TCTN2: variants seen among roughly 807,000 people sequenced by gnomAD.
The protein encoded by TCTN2 is tectonic family member 2.
A neutral mutation model predicts 83.4 loss-of-function variants in TCTN2; 66 were observed. The observed-to-expected ratio is 0.79, with a 90% CI of 0.65 to 0.97. The LOEUF (loss-of-function observed/expected upper bound fraction) is 0.97. Ranked by LOEUF, TCTN2 falls within the 50% of genes least tolerant of loss-of-function variation. The pLI is 0.00. For synonymous variants in TCTN2, 301 were observed against 326.7 expected (o/e 0.92, Z 0.85); for missense variants, 794 against 858.1 (o/e 0.93, Z 0.93).
intron 7 of TCTN2, among the ~76,000 whole-genome samples, chr12:123,690,260 T>C (rs753761115): frequency 4.6e-5 from 7 of 152,246 alleles, no homozygotes; most frequent in Non-Finnish European, 8.8e-5. Context: ...TAGTCATGTC[T>C]CTGCAAACTA....
intron 9 of TCTN2, among the ~76,000 whole-genome samples, chr12:123,694,313 G>T (rs1020726359): frequency 6.6e-6 from 1 of 152,182 alleles, no homozygotes; most frequent in East Asian, 1.9e-4. Flanking sequence ...ATTTTTAGTA[G>T]AGACAGGGTT....
At chr12:123,693,350 A>G (rs1956068313) in intron 9 of TCTN2, among the ~76,000 whole-genome samples, 1 of 145,414 alleles carries the variant, frequency 6.9e-6, no homozygotes. Context: ...TTTAGGGCAC[A>G]GCATTTTCAC....
chr12:123,672,830 C>T (rs1471738727), intron 3 of TCTN2, among the ~76,000 whole-genome samples: 1 of 152,196 alleles, frequency 6.6e-6, no homozygotes, highest in African/African-American at 2.4e-5. Context: ...GAGGGCGGAT[C>T]ATCTGAGGTC....
rs146257198 is a variant in TCTN2, at chr12:123,673,629, G to A, written c.282G>A (p.Val94=). The A allele has an allele frequency of 2.5e-6, 4 of 1,614,106 alleles. No individual in the cohort carries two copies. The highest frequency in any genetic ancestry group is 3.4e-6 in the Non-Finnish European group (4 of 1,180,054). The change falls in exon 4 of 18, where the codon GTG becomes GTA. Residue 94 remains valine (V), a synonymous_variant. Coordinates refer to ENST00000303372, the MANE Select transcript of TCTN2 (RefSeq NM_024809.5). ...TVIPGAKVLE[V]TVRWKRGLDW... ...TTTCCTTTCAGAAGGTGTTGGAAGT[G>A]ACAGTGAGGTGGAAGAGAGGTCTGG... is the stretch of plus-strand genomic sequence containing the variant.
chr12:123,699,262 C>T lies in TCTN2; in HGVS notation c.1506-442C>T, dbSNP rs575451918. Among the ~76,000 whole-genome samples, 6 of 152,032 alleles carry T rather than the reference C, an allele frequency of 3.9e-5. No individual in the cohort carries two copies. In the East Asian group the frequency reaches 1.2e-3, roughly 29 times the overall value. On this transcript the variant is annotated intron_variant, in intron 13 of 17. Transcript: ENST00000303372. ...TTAACCCCACCAGGCTTATGCGCTC[C>T]TCCCACCTCAGCCTCCCAAGTAGTT...
At chr12:123,696,748 A>G in intron 12 of TCTN2, 2 of 547,360 alleles carry the variant, frequency 3.7e-6, no homozygotes. Context: ...GATTGGCTTG[A>G]GAGTCCCATG....
At chr12:123,680,373 A>T (rs1407580174) in intron 5 of TCTN2, among the ~76,000 whole-genome samples, 2 of 149,848 alleles carry the variant, frequency 1.3e-5, no homozygotes, top group African/African-American at 2.5e-5. Context: ...AAAAAATCAC[A>T]CAACTTTTGA....
intron 12 of TCTN2, 167 bp from the exon 13 acceptor site, chr12:123,696,920 G>A: frequency 1.6e-6 from 1 of 627,462 alleles, no homozygotes; most frequent in South Asian, 1.9e-5. Context: ...GTCTGATAAA[G>A]GCACCTTTGT....
intron 11 of TCTN2, 148 bp from the exon 12 acceptor site, chr12:123,696,267 C>T (rs1482550356): frequency 1.7e-5 from 12 of 688,390 alleles, no homozygotes; most frequent in Admixed American, 1.1e-4. Flanking sequence ...TTTTGAGACC[C>T]GAAGTTGCCA....
In TCTN2 at chr12:123,690,513, G is replaced by A. The variant is rs1242625328; in HGVS notation, c.892-20G>A. 6.2e-7 allele frequency: 1 copy of A among 1,614,150 alleles called. No homozygotes were observed. The highest frequency in any genetic ancestry group is 8.5e-7 in the Non-Finnish European group (1 of 1,180,022). ...TAGGAGAGAGGCCATAAATCTGTTGGCTTTGCCCTTCTCCCTCAGGTGTCC... is the reference window on the plus strand; with the variant it reads ...TAGGAGAGAGGCCATAAATCTGTTGACTTTGCCCTTCTCCCTCAGGTGTCC... On this transcript the variant is annotated intron_variant, in intron 7 of 17. Coordinates refer to ENST00000303372, the MANE Select transcript of TCTN2 (RefSeq NM_024809.5).
chr12:123,694,046 T>G (rs1956078712), intron 9 of TCTN2, among the ~76,000 whole-genome samples: 1 of 151,078 alleles, frequency 6.6e-6, no homozygotes, highest in Admixed American at 6.6e-5. Context: ...CAGACTGGAG[T>G]GTAGTGACAC....
chr12:123,700,236 C>T, intron 14 of TCTN2: 1 of 333,894 alleles, frequency 3.0e-6, no homozygotes, highest in South Asian at 2.5e-5. Flanking sequence ...GTCATTAACT[C>T]CTGGGCTTAA....
At chr12:123,675,459 C>T (rs1460179978) in intron 4 of TCTN2, among the ~76,000 whole-genome samples, 1 of 152,138 alleles carries the variant, frequency 6.6e-6, no homozygotes, top group African/African-American at 2.4e-5. Flanking sequence ...AGTCTGTTAC[C>T]TGGAGACTCC....
intron 14 of TCTN2, chr12:123,700,269 T>C (rs1013553170): frequency 1.9e-5 from 5 of 258,788 alleles, no homozygotes; most frequent in Non-Finnish European, 3.5e-5. Context: ...CCCCAACCTC[T>C]TAAACCCCAA....
rs200937264 is a variant in TCTN2 at position 123,691,738 on chromosome 12, G to GTT, written c.1034-920_1034-919insTT. Among the ~76,000 whole-genome samples the GTT allele has an allele frequency of 1.8e-3, 267 of 147,928 alleles. 4 individuals are homozygous for GTT. The highest frequency in any genetic ancestry group is 4.8e-3 in the African/African-American group (190 of 39,576). On this transcript the variant is annotated intron_variant, in intron 8 of 17. Transcript: ENST00000303372. ...CAAATTGTTTTTTTTTTGTTTTTTTGGTTTTTTTTTTGAGAGGGAGTCTTG... is the reference window on the plus strand; with the variant it reads ...CAAATTGTTTTTTTTTTGTTTTTTTGTTGTTTTTTTTTTGAGAGGGAGTCTTG...
intron 5 of TCTN2, among the ~76,000 whole-genome samples, chr12:123,683,048 A>AC (rs1271437844): frequency 6.6e-6 from 1 of 150,792 alleles, no homozygotes. Flanking sequence ...ACATGGTGAA[A>AC]CCCCATCTGT....
intron 5 of TCTN2, among the ~76,000 whole-genome samples, chr12:123,686,502 G>T (rs576760345): frequency 5.3e-5 from 8 of 152,230 alleles, no homozygotes; most frequent in Non-Finnish European, 7.4e-5. Flanking sequence ...AAGAAAGGAG[G>T]TTTACTATGT....
rs1053331280 is a variant in TCTN2 at position 123,681,238 on chromosome 12, C to A, written c.564+1949C>A. The stretch of plus-strand genomic sequence containing the variant: ...CACCACTGCATGTCAGCCTAGGCGA[C>A]AGAGCAAGACTCTCTTTCAAAAAAA... On this transcript the variant is annotated intron_variant, in intron 5 of 17. Coordinates refer to ENST00000303372, the MANE Select transcript of TCTN2 (RefSeq NM_024809.5). Among the ~76,000 whole-genome samples, 36 of 136,254 alleles carry A rather than the reference C, an allele frequency of 2.6e-4. No homozygotes were observed. In the Admixed American group the frequency reaches 2.8e-3, roughly 11 times the overall value. The allele number at this position is 136,254 out of a possible 152,430, so 89.4% of individuals were successfully genotyped here. A position where few individuals can be genotyped will look rare whatever the true frequency, so the allele number is the denominator to read the frequency against.
chr12:123,704,470 G>A (rs1349483143), intron 14 of TCTN2, 62 bp from the exon 15 acceptor site: 9 of 1,535,862 alleles, frequency 5.9e-6, no homozygotes, highest in South Asian at 2.4e-5. Flanking sequence ...TGGTTATTAC[G>A]ACATTGTAGG....
Sources: gnomAD v4.1 joint callset for allele counts (sites outside exome capture counted in the v4.1 genomes callset) on GRCh38, gnomAD v4.1.1 for gene constraint, MANE v1.5 for transcripts, NCBI Gene and HGNC (gene_info 2026-07-23, HGNC 2026-07-21) for gene names.